GALNT13: variants seen among roughly 807,000 people sequenced by gnomAD.
GALNT13 encodes the protein UDP-GalNAc:polypeptide N-acetylgalactosaminyltransferase 13.
GALNT13 carries 28 observed loss-of-function variants against 64.2 expected under a neutral mutation model. That is an observed-to-expected ratio of 0.44 (90% CI 0.32 to 0.60). The LOEUF is 0.60. Among genes scored for constraint, GALNT13 ranks in the 20% least tolerant of loss-of-function variants. The pLI is 0.05. For synonymous variants in GALNT13, 214 were observed against 224.6 expected (o/e 0.95, Z 0.42); for missense variants, 577 against 669.8 (o/e 0.86, Z 1.53).
intron 3 of GALNT13, among the ~76,000 whole-genome samples, chr2:154,017,481 T>C (rs1328086466): frequency 6.6e-6 from 1 of 152,132 alleles, no homozygotes; most frequent in African/African-American, 2.4e-5. Flanking sequence ...ACACGATAAG[T>C]ACACCACTTT....
intron 9 of GALNT13, among the ~76,000 whole-genome samples, chr2:154,308,931 A>G (rs745845788): frequency 2.0e-5 from 3 of 152,156 alleles, no homozygotes; most frequent in African/African-American, 7.2e-5. Flanking sequence ...TTAGGTCAAC[A>G]TTTATTATTG....
the GALNT13 span, among the ~76,000 whole-genome samples, chr2:153,796,808 A>G: frequency 6.6e-6 from 1 of 152,196 alleles, no homozygotes. Flanking sequence ...TAAAAAATAT[A>G]TAATGGCAGG....
chr2:153,231,390 A>C, the GALNT13 span, among the ~76,000 whole-genome samples: 2 of 152,244 alleles, frequency 1.3e-5, no homozygotes, highest in African/African-American at 2.4e-5. Context: ...TACTGATGTC[A>C]GTATGGAACA....
chr2:153,255,629 A>G, the GALNT13 span, among the ~76,000 whole-genome samples: 9 of 151,848 alleles, frequency 5.9e-5, no homozygotes, highest in South Asian at 2.1e-4. Flanking sequence ...CATGTTTAGC[A>G]CTTCCTTCAG....
intron 3 of GALNT13, among the ~76,000 whole-genome samples, chr2:154,022,641 A>G (rs1025080774): frequency 6.6e-6 from 1 of 152,070 alleles, no homozygotes; most frequent in Non-Finnish European, 1.5e-5. Context: ...CTGTTCAAAA[A>G]ACCAGCTCCT....
intron 2 of GALNT13, among the ~76,000 whole-genome samples, chr2:153,903,940 T>G (rs1211557810): frequency 6.6e-6 from 1 of 152,036 alleles, no homozygotes; most frequent in Non-Finnish European, 1.5e-5. Context: ...CAGTTTCCCG[T>G]GGATGACATT....
rs767766537 is a variant in GALNT13, at chr2:154,298,613, T to G, written c.976-2796T>G. 5.5e-5 allele frequency among the ~76,000 whole-genome samples: 4 copies of G among 72,706 alleles called. 1 individual carries two copies. Among genetic ancestry groups the G allele is most frequent in the African/African-American group, 1.7e-4 (3 of 18,018 alleles). 47.7% of individuals were successfully genotyped at this position (72,706 alleles called of 152,430 possible). A position where few individuals can be genotyped will look rare whatever the true frequency, so the allele number is the denominator to read the frequency against. Reference sequence around the variant, plus strand: ...TTATATATACAATGTATATATTAATTTATATATACATTGTATATATAATTT... The same window carrying G: ...TTATATATACAATGTATATATTAATGTATATATACATTGTATATATAATTT... On this transcript the variant is annotated intron_variant, in intron 8 of 12. Transcript: ENST00000392825.
At chr2:153,671,552 C>T in the GALNT13 span, among the ~76,000 whole-genome samples, 5 of 152,116 alleles carry the variant, frequency 3.3e-5, no homozygotes, top group African/African-American at 1.2e-4. Flanking sequence ...CTGAAGGAAG[C>T]ACTAAACATG....
At chr2:153,772,885 C>T in the GALNT13 span, among the ~76,000 whole-genome samples, 2 of 152,302 alleles carry the variant, frequency 1.3e-5, no homozygotes, top group Admixed American at 1.3e-4. Context: ...AGGCTCTCTA[C>T]ATGGCTGGGC....
intron 11 of GALNT13, among the ~76,000 whole-genome samples, chr2:154,433,951 A>G (rs1040189620): frequency 1.3e-5 from 2 of 152,174 alleles, no homozygotes; most frequent in Non-Finnish European, 2.9e-5. Flanking sequence ...GAATTTTGGC[A>G]TCATTAGGGT....
the GALNT13 span, among the ~76,000 whole-genome samples, chr2:153,413,542 CAATA>C: frequency 6.6e-6 from 1 of 151,564 alleles, no homozygotes; most frequent in Non-Finnish European, 1.5e-5. Context: ...GATTTCCAGA[CAATA>C]AATTCCTTTT....
At chr2:153,372,722 T>G in the GALNT13 span, among the ~76,000 whole-genome samples, 1 of 152,144 alleles carries the variant, frequency 6.6e-6, no homozygotes, top group Non-Finnish European at 1.5e-5. Flanking sequence ...CACTTTAAAT[T>G]GACCACCACA....
intron 8 of GALNT13, 80 bp downstream of exon 8, chr2:154,259,218 TC>T: frequency 1.3e-6 from 1 of 791,884 alleles, no homozygotes; most frequent in Non-Finnish European, 2.1e-6. Context: ...TAATTTACTG[TC>T]AAATCATTTT....
intron 1 of GALNT13, among the ~76,000 whole-genome samples, chr2:153,890,088 G>A (rs1002889221): frequency 1.3e-5 from 2 of 151,710 alleles, no homozygotes; most frequent in Non-Finnish European, 2.9e-5. Context: ...TAACACCTGC[G>A]AAATAGAGCT....
the GALNT13 span, among the ~76,000 whole-genome samples, chr2:153,723,673 G>C: frequency 6.6e-6 from 1 of 151,980 alleles, no homozygotes; most frequent in Non-Finnish European, 1.5e-5. Context: ...AACAAACAGA[G>C]AGCCAAATCA....
chr2:153,392,049 A>G, the GALNT13 span, among the ~76,000 whole-genome samples: 1 of 148,508 alleles, frequency 6.7e-6, no homozygotes, highest in Non-Finnish European at 1.5e-5. Context: ...TTTATATAAT[A>G]TATGTGATTT....
At chr2:153,835,926 C>T in the GALNT13 span, among the ~76,000 whole-genome samples, 1 of 152,004 alleles carries the variant, frequency 6.6e-6, no homozygotes, top group African/African-American at 2.4e-5. Context: ...TCCATTTTAG[C>T]TTTGCCATTT....
chr2:154,368,341 C>T (rs1456943030), intron 9 of GALNT13, among the ~76,000 whole-genome samples: 1 of 152,108 alleles, frequency 6.6e-6, no homozygotes, highest in Non-Finnish European at 1.5e-5. Context: ...AGCATAGAAA[C>T]CCCTGCCAAC....
At chr2:154,290,146 G>A (rs1692516846) in intron 8 of GALNT13, among the ~76,000 whole-genome samples, 1 of 152,106 alleles carries the variant, frequency 6.6e-6, no homozygotes, top group Admixed American at 6.5e-5. Flanking sequence ...GCAAGTCAGG[G>A]AAAAATATGC....
Sources: allele counts gnomAD v4.1 joint callset (sites outside exome capture counted in the v4.1 genomes callset), GRCh38; gene constraint gnomAD v4.1.1; transcripts MANE v1.5; gene names NCBI Gene and HGNC (gene_info 2026-07-23, HGNC 2026-07-21).